The following FRMPD1 variants were observed in gnomAD, a reference collection of about 807,000 sequenced individuals.
FRMPD1 encodes the protein FERM and PDZ domain containing 1.
In FRMPD1, 76 loss-of-function variants were observed where a neutral mutation model predicts 117.8. The observed-to-expected ratio is 0.65, with a 90% CI of 0.54 to 0.78. The LOEUF (loss-of-function observed/expected upper bound fraction) is 0.78. Ranked by LOEUF, FRMPD1 falls within the 30% of genes least tolerant of loss-of-function variation. The pLI, the probability that FRMPD1 is intolerant of heterozygous loss-of-function variation, is 0.00. For missense variants in FRMPD1, 1,786 were observed against 1,964.5 expected, an observed-to-expected ratio of 0.91 and a Z score of 1.72; for synonymous variants, 783 against 770.4, an observed-to-expected ratio of 1.02 and a Z score of -0.27.
At chr9:37,621,547 G>A in the FRMPD1 span, among the ~76,000 whole-genome samples, 25 of 152,324 alleles carry the variant, frequency 1.6e-4, no homozygotes, top group Non-Finnish European at 3.2e-4. Context: ...CAGAGCTTGA[G>A]CTGTGTCTCC....
chr9:37,685,666 T>C (rs1015495355), intron 1 of FRMPD1, among the ~76,000 whole-genome samples: 1 of 151,694 alleles, frequency 6.6e-6, no homozygotes, highest in Non-Finnish European at 1.5e-5. Context: ...AAAAAAAAAA[T>C]TTGCCTTCCA....
intron 6 of FRMPD1, among the ~76,000 whole-genome samples, chr9:37,720,999 G>A (rs919390185): frequency 6.6e-6 from 1 of 152,244 alleles, no homozygotes; most frequent in African/African-American, 2.4e-5. Flanking sequence ...ATAAAGGCAC[G>A]ACAGGTGTGG....
the FRMPD1 span, among the ~76,000 whole-genome samples, chr9:37,617,212 T>C: frequency 1.5e-5 from 2 of 134,044 alleles, no homozygotes; most frequent in African/African-American, 8.2e-5. Context: ...AGAACTAAAC[T>C]TTTTTCCCTT....
chr9:37,605,982 C>T, the FRMPD1 span, among the ~76,000 whole-genome samples: 1 of 152,262 alleles, frequency 6.6e-6, no homozygotes, highest in East Asian at 1.9e-4. Context: ...GCTGGGATTA[C>T]AGGCATGAAC....
chr9:37,724,392 G>A (rs1823534185), intron 7 of FRMPD1, 72 bp downstream of exon 7: 2 of 777,448 alleles, frequency 2.6e-6, no homozygotes, highest in Non-Finnish European at 4.5e-6. Flanking sequence ...CAGGCATCTT[G>A]CCCTGCATCT....
Position 37,711,407 on chromosome 9 carries a change from T to C in FRMPD1, c.408+12T>C. 1 of 1,586,480 alleles carries C rather than the reference T, an allele frequency of 6.3e-7. No homozygotes were observed. Among genetic ancestry groups the C allele is most frequent in the South Asian group, 1.1e-5 (1 of 90,514 alleles). On this transcript the variant is annotated intron_variant, in intron 5 of 15. Transcript: ENST00000377765. ...TTCGCTGCACGTCGGTAAATCTCTT[T>C]CTATGTCCTGTGTGTTAGTTTCACC... is the stretch of plus-strand genomic sequence containing the variant.
intron 4 of FRMPD1, among the ~76,000 whole-genome samples, chr9:37,709,275 G>GAT (rs146234911): frequency 0.15 from 22,257 of 149,598 alleles, 1,784 homozygotes; most frequent in Middle Eastern, 0.2. Context: ...AACTTGAAGA[G>GAT]ATATATATAT....
chr9:37,739,995 G>T (rs1157051028), intron 14 of FRMPD1, 83 bp from the exon 15 acceptor site: 2 of 1,027,654 alleles, frequency 1.9e-6, no homozygotes, highest in Non-Finnish European at 2.9e-6. Context: ...CGTCTGGCAG[G>T]GTTGGGTGGG....
At chr9:37,699,678 C>G (rs940506001) in intron 2 of FRMPD1, among the ~76,000 whole-genome samples, 18 of 152,186 alleles carry the variant, frequency 1.2e-4, no homozygotes, top group African/African-American at 3.6e-4. Flanking sequence ...AGAGCGAGAT[C>G]TAAAGAAGCA....
chr9:37,654,389 T>C lies in FRMPD1; in HGVS notation c.-5+3295T>C, dbSNP rs137893220. Among the ~76,000 whole-genome samples, 347 of 152,322 alleles carry C rather than the reference T, an allele frequency of 2.3e-3. 1 individual carries two copies. Among genetic ancestry groups the C allele is most frequent in the Admixed American group, 6.9e-3 (105 of 15,296 alleles). ...GGTGAGGGTCAGTGCAGCAGCTCTG[T>C]ATCTGTAAGAGGTAGGGTAGTTCTG... On this transcript the variant is annotated intron_variant, in intron 1 of 15. Coordinates refer to ENST00000377765, the MANE Select transcript of FRMPD1 (RefSeq NM_014907.3).
At chr9:37,668,087 T>C (rs928898184) in intron 1 of FRMPD1, 2 of 152,274 alleles carry the variant, frequency 1.3e-5, no homozygotes, top group South Asian at 2.1e-4. Flanking sequence ...GGATGCATCA[T>C]GAGACCTTGG....
intron 1 of FRMPD1, among the ~76,000 whole-genome samples, chr9:37,669,158 CAAGT>C (rs932803227): frequency 3.7e-4 from 57 of 152,290 alleles, no homozygotes; most frequent in African/African-American, 1.3e-3. Flanking sequence ...CTCTGAATTA[CAAGT>C]GAGTGAGAAG....
intron 1 of FRMPD1, among the ~76,000 whole-genome samples, chr9:37,664,273 A>G (rs62534455): frequency 0.11 from 16,442 of 151,304 alleles, 1,018 homozygotes; most frequent in Middle Eastern, 0.18. Context: ...GATGTAGGGC[A>G]TCGACATTTA....
chr9:37,723,384 C>T (rs547179304), intron 6 of FRMPD1, among the ~76,000 whole-genome samples: 102 of 152,190 alleles, frequency 6.7e-4, no homozygotes, highest in Non-Finnish European at 1.2e-3. Flanking sequence ...CACCGTTTGT[C>T]GTATCTAACA....
At chr9:37,730,259 T>A (rs1015094220) in intron 8 of FRMPD1, among the ~76,000 whole-genome samples, 11 of 152,320 alleles carry the variant, frequency 7.2e-5, no homozygotes, top group African/African-American at 2.6e-4. Flanking sequence ...TTACCCCCGA[T>A]ATGGTTCCTG....
the FRMPD1 span, among the ~76,000 whole-genome samples, chr9:37,634,879 T>G: frequency 6.8e-6 from 1 of 146,466 alleles, no homozygotes; most frequent in East Asian, 2.2e-4. Context: ...TTCCCTCCCC[T>G]CACCCCCAAT....
chr9:37,615,174 G>A, the FRMPD1 span, among the ~76,000 whole-genome samples: 8 of 151,916 alleles, frequency 5.3e-5, no homozygotes, highest in East Asian at 1.9e-4. Context: ...ATGCAGTGGC[G>A]TGATCTCAGC....
At chr9:37,672,763 A>G (rs575778160) in intron 1 of FRMPD1, among the ~76,000 whole-genome samples, 58 of 152,286 alleles carry the variant, frequency 3.8e-4, no homozygotes, top group Non-Finnish European at 6.8e-4. Context: ...GAATCATGGC[A>G]GGAGGCAAGA....
chr9:37,717,302 AAT>A (rs202042365), intron 5 of FRMPD1, among the ~76,000 whole-genome samples: 46 of 144,850 alleles, frequency 3.2e-4, no homozygotes, highest in East Asian at 6.0e-4. Context: ...AGAAAAAAAA[AAT>A]ATATATATAT....
Sources: allele counts gnomAD v4.1 joint callset (sites outside exome capture counted in the v4.1 genomes callset), GRCh38; gene constraint gnomAD v4.1.1; transcripts MANE v1.5; gene names NCBI Gene and HGNC (gene_info 2026-07-23, HGNC 2026-07-21).